ANK3: variants seen among roughly 807,000 people sequenced by gnomAD.
The protein encoded by ANK3 is ankyrin-3.
Under a neutral mutation model 370.9 loss-of-function variants are expected in ANK3, and 57 were observed. That is an observed-to-expected ratio of 0.15 (90% CI 0.12 to 0.19). The LOEUF (loss-of-function observed/expected upper bound fraction) is 0.19. Among genes scored for constraint, ANK3 ranks in the 10% least tolerant of loss-of-function variants. The probability of loss-of-function intolerance (pLI) is 1.00; values close to 1 mark genes in which losing one functional copy is unlikely to be tolerated. For missense variants in ANK3, 4,439 were observed against 5,302.1 expected, an observed-to-expected ratio of 0.84 and a Z score of 5.06; for synonymous variants, 1,929 against 1,946.3, an observed-to-expected ratio of 0.99 and a Z score of 0.23.
chr10:60,043,516 T>G, intron 42 of ANK3: 3 of 985,436 alleles, frequency 3.0e-6, no homozygotes, highest in African/African-American at 3.5e-5. Flanking sequence ...GGAGGGATTC[T>G]TTAACTGGCA....
At chr10:60,436,599 T>A (rs2064165149) in intron 2 of ANK3, among the ~76,000 whole-genome samples, 1 of 152,210 alleles carries the variant, frequency 6.6e-6, no homozygotes, top group Non-Finnish European at 1.5e-5. Flanking sequence ...CATTTGTATA[T>A]CCTCTCTTGA....
At chr10:60,222,235 G>A (rs1415578464) in intron 8 of ANK3, among the ~76,000 whole-genome samples, 2 of 152,154 alleles carry the variant, frequency 1.3e-5, no homozygotes, top group Non-Finnish European at 2.9e-5. Flanking sequence ...GCGACTGCCT[G>A]GCTGCACAGG....
intron 25 of ANK3, among the ~76,000 whole-genome samples, chr10:60,126,123 A>G (rs920137185): frequency 6.6e-6 from 1 of 152,206 alleles, no homozygotes; most frequent in Non-Finnish European, 1.5e-5. Flanking sequence ...TTGACATCAT[A>G]GTCTAGTTAA....
Position 60,173,143 on chromosome 10 carries a change from A to T in ANK3, c.2228T>A (p.Ile743Asn), listed in dbSNP as rs780258666. ...CTGGAGCAGGAAATTAACAATCTTG[A>T]TATTTCCATAGTGGCAGCCCACATG... ...PLHVGCHYGN[I>N]KIVNFLLQHS... is the part of the protein sequence containing the mutation. The change falls in exon 19 of 44, where the codon ATC becomes AAC. Residue 743 changes from isoleucine (I) to asparagine (N), a missense_variant. Physicochemically the swap from Ile to Asn is moderately radical, Grantham distance 149 (BLOSUM62 -3). This residue lies in a region of ANK3 where 702 missense variants were observed against 941.5 expected (regional missense o/e 0.75). Coordinates refer to ENST00000280772, the MANE Select transcript of ANK3 (RefSeq NM_020987.5). The T allele has an allele frequency of 6.2e-7, 1 of 1,614,098 alleles. No individual in the cohort carries two copies. Among genetic ancestry groups the T allele is most frequent in the Non-Finnish European group, 8.5e-7 (1 of 1,179,984 alleles).
At chr10:60,444,509 A>G (rs1432708280) in intron 2 of ANK3, among the ~76,000 whole-genome samples, 2 of 151,826 alleles carry the variant, frequency 1.3e-5, no homozygotes, top group African/African-American at 4.8e-5. Flanking sequence ...AGTGGCTATT[A>G]ACACTTAAAA....
At position 60,131,354 on chromosome 10, in the gene ANK3, G is replaced by A. The variant is rs1414387641; in HGVS notation, c.2841+2917C>T. Among the ~76,000 whole-genome samples the A allele has an allele frequency of 2.0e-5, 3 of 152,170 alleles. No homozygotes were observed. The East Asian group carries it at 5.8e-4, about 29-fold the overall frequency. ...CTTATTAAACATGCTGGTTCCACAA[G>A]GAATGCCTATGTGGGTATTCTGTGC... On this transcript the variant is annotated intron_variant, in intron 25 of 43. Coordinates refer to ENST00000280772, the MANE Select transcript of ANK3 (RefSeq NM_020987.5).
chr10:60,343,504 A>G (rs1315938671), intron 1 of ANK3, among the ~76,000 whole-genome samples: 2 of 152,152 alleles, frequency 1.3e-5, no homozygotes, highest in Middle Eastern at 3.2e-3. Flanking sequence ...GAGTATAAGT[A>G]AGCTAAATCC....
intron 17 of ANK3, among the ~76,000 whole-genome samples, chr10:60,182,164 C>T (rs537725783): frequency 6.6e-6 from 1 of 151,704 alleles, no homozygotes; most frequent in Admixed American, 6.6e-5. Flanking sequence ...TAAATGATAT[C>T]TGTTTACAAA....
intron 1 of ANK3, among the ~76,000 whole-genome samples, chr10:60,349,507 A>ATT (rs34183574): frequency 1.4e-4 from 21 of 151,184 alleles, no homozygotes; most frequent in East Asian, 2.0e-4. Flanking sequence ...CTAGAACCAC[A>ATT]TTTTTTTTTA....
chr10:60,626,988 G>T (rs2078420124), intron 1 of ANK3, among the ~76,000 whole-genome samples: 1 of 152,060 alleles, frequency 6.6e-6, no homozygotes, highest in Admixed American at 6.6e-5. Flanking sequence ...AAAAACCCTG[G>T]AAAAGATAGG....
intron 2 of ANK3, among the ~76,000 whole-genome samples, chr10:60,511,684 C>A (rs750943738): frequency 1.3e-5 from 2 of 152,058 alleles, no homozygotes; most frequent in Admixed American, 6.6e-5. Flanking sequence ...AAGACCTCAA[C>A]TCTCTATGGA....
intron 23 of ANK3, among the ~76,000 whole-genome samples, chr10:60,162,565 T>C (rs1020062613): frequency 6.6e-5 from 10 of 152,206 alleles, no homozygotes; most frequent in Admixed American, 1.3e-4. Context: ...ATCCCTCATG[T>C]CACTCTATTA....
At chr10:60,135,223 C>A (rs2094283391) in intron 24 of ANK3, among the ~76,000 whole-genome samples, 1 of 152,328 alleles carries the variant, frequency 6.6e-6, no homozygotes, top group South Asian at 2.1e-4. Flanking sequence ...TGAAGCTAAT[C>A]TGAGTCTTCA....
intron 42 of ANK3, chr10:60,044,856 T>C (rs1379203158): frequency 6.6e-6 from 1 of 152,230 alleles, no homozygotes; most frequent in African/African-American, 2.4e-5. Context: ...ACACATTTTT[T>C]GAAAGATTAT....
chr10:60,154,487 G>C (rs1437528202), intron 23 of ANK3, among the ~76,000 whole-genome samples: 2 of 152,086 alleles, frequency 1.3e-5, no homozygotes, highest in Admixed American at 1.3e-4. Flanking sequence ...GTTTTGGATT[G>C]TGTCAAGTCA....
In ANK3 at chr10:60,069,319, C is replaced by T; in HGVS notation, c.11562G>A (p.Lys3854=). Reference sequence around the variant, plus strand: ...ATTTTTGCCTAATCCCTATCAATTCCTTTGTTTTTTGCTGTTCTCCAAGAA... The same window carrying T: ...ATTTTTGCCTAATCCCTATCAATTCTTTTGTTTTTTGCTGTTCTCCAAGAA... ...QKVLGEQQKT[K]ELIGIRQKSK... is the part of the protein sequence containing the mutation. Residue 3854 remains lysine, a synonymous_variant, in exon 37 of 44, where the codon AAG becomes AAA. Transcript: ENST00000280772. 6.2e-7 allele frequency: 1 copy of T among 1,614,018 alleles called. No individual in the cohort carries two copies. Among genetic ancestry groups the T allele is most frequent in the Non-Finnish European group, 8.5e-7 (1 of 1,179,986 alleles).
At chr10:60,686,913 T>A (rs938294191) in intron 1 of ANK3, among the ~76,000 whole-genome samples, 1 of 152,228 alleles carries the variant, frequency 6.6e-6, no homozygotes, top group Non-Finnish European at 1.5e-5. Flanking sequence ...AGTGAATGAT[T>A]GACCACAAAT....
chr10:60,076,141 C>G lies in ANK3; in HGVS notation c.4740G>C (p.Pro1580=), dbSNP rs200016564. The G allele has an allele frequency of 6.2e-7, 1 of 1,614,024 alleles. No individual in the cohort carries two copies. Among genetic ancestry groups the G allele is most frequent in the Non-Finnish European group, 8.5e-7 (1 of 1,180,024 alleles). Residue 1580 remains proline (P), a synonymous_variant, in exon 37 of 44, where the codon CCG becomes CCC. Transcript: ENST00000280772. ...GAGATTGTGACACCACAGTTTTTATCGGCGAAGACATTGTCCGAAAGGATC... is the reference window on the plus strand; with the variant it reads ...GAGATTGTGACACCACAGTTTTTATGGGCGAAGACATTGTCCGAAAGGATC... The part of the protein sequence containing the change: ...PIRSFRTMSS[P]IKTVVSQSPY...
chr10:60,362,281 C>T (rs1393208814), intron 1 of ANK3, among the ~76,000 whole-genome samples: 2 of 152,120 alleles, frequency 1.3e-5, no homozygotes, highest in Non-Finnish European at 2.9e-5. Context: ...ACTTGTTTAA[C>T]TATCTTATTT....
Sources: allele counts gnomAD v4.1 joint callset (sites outside exome capture counted in the v4.1 genomes callset), GRCh38; gene constraint gnomAD v4.1.1; regional missense constraint gnomAD v4.1.1; transcripts MANE v1.5; gene names NCBI Gene and HGNC (gene_info 2026-07-23, HGNC 2026-07-21).